Variants in ELMO2 observed in about 807,000 individuals in gnomAD.
The protein encoded by ELMO2 is engulfment and cell motility protein 2.
In ELMO2, 37 loss-of-function variants were observed where a neutral mutation model predicts 96.2. That is an observed-to-expected ratio of 0.38 (90% CI 0.30 to 0.51). The LOEUF is 0.51. ELMO2 is among the 20% of genes least tolerant of loss of function. ELMO2 has a pLI of 0.88. For missense variants in ELMO2, 561 were observed against 912.6 expected (o/e 0.61, Z 4.96); for synonymous variants, 315 against 329.4 (o/e 0.96, Z 0.47).
At chr20:46,402,627 G>A (rs1252347605) in intron 1 of ELMO2, among the ~76,000 whole-genome samples, 5 of 152,180 alleles carry the variant, frequency 3.3e-5, no homozygotes, top group African/African-American at 1.2e-4. Flanking sequence ...CTAAAATCTC[G>A]GGCTGTGAAC....
In ELMO2 at chr20:46,386,248, C is replaced by T. The variant is rs2060041391; in HGVS notation, c.553G>A (p.Val185Met). The change falls in exon 9 of 22, where the codon GTG becomes ATG. Residue 185 changes from valine (V) to methionine (M), a missense_variant. Transcript: ENST00000290246. ...GACCTCTGAAGGATTGACACGTCCA[C>T]CATGGGCTGGCTCACATACCCTGCA... ...QIAGYVSQPM[V>M]DVSILQRSLA... is the part of the protein sequence containing the mutation. 6.8e-6 allele frequency: 11 copies of T among 1,614,082 alleles called. No individual in the cohort carries two copies. Among genetic ancestry groups the T allele is most frequent in the Non-Finnish European group, 9.3e-6 (11 of 1,180,004 alleles).
rs2059851113 is a variant in ELMO2 at position 46,375,894 on chromosome 20, G to C, written c.808-104C>G. ...GAATGTATGTTGGGAAGGGAACAGAGCTTTCCTCCCACACACGAGGACTTC... is the reference window on the plus strand; with the variant it reads ...GAATGTATGTTGGGAAGGGAACAGACCTTTCCTCCCACACACGAGGACTTC... On this transcript the variant is annotated intron_variant, in intron 11 of 21. Coordinates refer to ENST00000290246, the MANE Select transcript of ELMO2 (RefSeq NM_133171.5). This position sits in a 1 kb window ranked among gnomAD's most constrained non-coding sequence, Gnocchi z 4.6. The C allele has an allele frequency of 6.8e-7, 1 of 1,468,866 alleles. No individual in the cohort carries two copies. Among genetic ancestry groups the C allele is most frequent in the African/African-American group, 1.4e-5 (1 of 71,726 alleles). The allele number at this position is 1,468,866 out of a possible 1,614,324, so 91.0% of individuals were successfully genotyped here.
At chr20:46,401,896 C>G (rs891405133) in intron 1 of ELMO2, among the ~76,000 whole-genome samples, 2 of 152,142 alleles carry the variant, frequency 1.3e-5, no homozygotes, top group Non-Finnish European at 2.9e-5. Flanking sequence ...CTGTACATAC[C>G]TTCCTGATCC....
chr20:46,384,945 C>T (rs191027362), intron 9 of ELMO2, among the ~76,000 whole-genome samples: 1 of 152,122 alleles, frequency 6.6e-6, no homozygotes, highest in East Asian at 1.9e-4. Flanking sequence ...CAGAGTGAGA[C>T]CCTGTCTCAA....
At position 46,378,161 on chromosome 20, in the gene ELMO2, TAAA is replaced by T. The variant is rs2059897735; in HGVS notation, c.807+2089_807+2091del. ...ATTAATTATCCTAGCATCAATGGCT[TAAA>T]GAAGTACAGCTCCAGTCTGATGAGT... On this transcript the variant is annotated intron_variant, in intron 11 of 21. Coordinates refer to ENST00000290246, the MANE Select transcript of ELMO2 (RefSeq NM_133171.5). 3.3e-5 allele frequency among the ~76,000 whole-genome samples: 5 copies of T among 152,230 alleles called. No homozygotes were observed. In the South Asian group the frequency reaches 1.0e-3, roughly 32 times the overall value.
chr20:46,384,347 T>C (rs1192341529), intron 9 of ELMO2, among the ~76,000 whole-genome samples: 1 of 152,216 alleles, frequency 6.6e-6, no homozygotes, highest in Non-Finnish European at 1.5e-5. Flanking sequence ...TCTGTGGCTG[T>C]CTTTCCAGAG....
At chr20:46,401,809 T>C (rs780317809) in intron 1 of ELMO2, among the ~76,000 whole-genome samples, 1 of 152,200 alleles carries the variant, frequency 6.6e-6, no homozygotes, top group Non-Finnish European at 1.5e-5. Context: ...GCTAAGATAA[T>C]CACTCTTCTA....
intron 7 of ELMO2, chr20:46,387,765 C>A: frequency 4.5e-6 from 1 of 223,488 alleles, no homozygotes; most frequent in Non-Finnish European, 8.8e-6. Flanking sequence ...CAAACTCCAA[C>A]ACCTGTTGGG....
At chr20:46,373,740 A>G (rs994034449) in intron 15 of ELMO2, among the ~76,000 whole-genome samples, 2 of 152,148 alleles carry the variant, frequency 1.3e-5, no homozygotes, top group African/African-American at 2.4e-5. Context: ...ACCCTGTTAC[A>G]GACTCAGCCA....
chr20:46,381,973 A>G (rs902980683), intron 10 of ELMO2, among the ~76,000 whole-genome samples: 1 of 152,216 alleles, frequency 6.6e-6, no homozygotes, highest in African/African-American at 2.4e-5. Flanking sequence ...AAGGCAAGTT[A>G]TAAAGGAAGG....
rs1291655034 is a variant in ELMO2, at chr20:46,374,660, C to T, written c.1066-20G>A. ...GTGGTTCTAGAGAAATAAAGACACC[C>T]AATTTGAGATGCGGCAGTCTCCGTG... On this transcript the variant is annotated intron_variant, in intron 13 of 21. Transcript: ENST00000290246. 1 of 1,609,994 alleles carries T rather than the reference C, an allele frequency of 6.2e-7. No individual in the cohort carries two copies. The highest frequency in any genetic ancestry group is 1.3e-5 in the African/African-American group (1 of 74,922).
intron 7 of ELMO2, among the ~76,000 whole-genome samples, chr20:46,388,718 A>G (rs1335728370): frequency 6.6e-6 from 1 of 152,118 alleles, no homozygotes; most frequent in African/African-American, 2.4e-5. Context: ...CATCAAACCA[A>G]ACATTTCCAG....
chr20:46,393,942 T>C, intron 4 of ELMO2, 107 bp downstream of exon 4: 1 of 1,468,838 alleles, frequency 6.8e-7, no homozygotes, highest in Admixed American at 1.8e-5. Flanking sequence ...ACCCCCATGC[T>C]GAGGACCTGC....
chr20:46,398,138 A>G (rs2060277750), intron 2 of ELMO2, among the ~76,000 whole-genome samples: 1 of 152,194 alleles, frequency 6.6e-6, no homozygotes, highest in Admixed American at 6.5e-5. Context: ...GCATATGATG[A>G]TGGTACTGGG....
Position 46,367,446 on chromosome 20 carries a change from C to T in ELMO2, c.2077G>A (p.Asp693Asn). 1 of 1,613,228 alleles carries T rather than the reference C, an allele frequency of 6.2e-7. No individual in the cohort carries two copies. Among genetic ancestry groups the T allele is most frequent in the Non-Finnish European group, 8.5e-7 (1 of 1,179,716 alleles). The change falls in exon 22 of 22, where the codon GAC (aspartate) becomes AAC (asparagine). Residue 693 changes from aspartate (D) to asparagine (N), a missense_variant. Physicochemically the swap from Asp to Asn is conservative, Grantham distance 23 (BLOSUM62 1). Transcript: ENST00000290246. The stretch of plus-strand genomic sequence containing the variant: ...TCGGGAATCTGGATGTTCTCCAGGT[C>T]CAGGAGCCGCAGCTTCATCTCCATG... ...LSMEMKLRLL[D>N]LENIQIPEAP...
chr20:46,393,261 C>T, intron 5 of ELMO2, 118 bp from the exon 6 acceptor site: 1 of 1,041,202 alleles, frequency 9.6e-7, no homozygotes, highest in Non-Finnish European at 1.5e-6. Context: ...TGAGGATCTT[C>T]AGTCGGGCCC....
rs1600807769 is a variant in ELMO2 at position 46,366,271 on chromosome 20, C to G, written c.*1089G>C. 1 of 152,570 alleles carries G rather than the reference C, an allele frequency of 6.6e-6. No homozygotes were observed. Among genetic ancestry groups the G allele is most frequent in the Non-Finnish European group, 1.5e-5 (1 of 68,046 alleles). The allele number at this position is 152,570 out of a possible 1,614,324, so 9.5% of individuals were successfully genotyped here. On this transcript the variant is annotated 3_prime_UTR_variant, in exon 22 of 22. Coordinates refer to ENST00000290246, the MANE Select transcript of ELMO2 (RefSeq NM_133171.5). ...CCTATAGTAATGAAAATATATAGTA[C>G]ACTCTTCATTGGGTAGTACCTACCA... is the stretch of plus-strand genomic sequence containing the variant.
intron 1 of ELMO2, among the ~76,000 whole-genome samples, chr20:46,404,090 A>C (rs1363580295): frequency 6.6e-6 from 1 of 152,192 alleles, no homozygotes; most frequent in African/African-American, 2.4e-5. Flanking sequence ...ATCTCAAAAA[A>C]AAAATAGAAA....
chr20:46,374,414 T>C lies in ELMO2; in HGVS notation c.1197A>G (p.Glu399=). ...GGCCAAAGGGGCATTCATGTTTGTC[T>C]TCCCGGCTACTGTTCTCCAAGACAA... The part of the protein sequence containing the change: ...IRIVLENSSR[E]DKHECPFGRS... Residue 399 remains glutamate, a synonymous_variant, in exon 15 of 22, where the codon GAA becomes GAG. Transcript: ENST00000290246. 6.2e-7 allele frequency: 1 copy of C among 1,614,156 alleles called. No individual in the cohort carries two copies. The highest frequency in any genetic ancestry group is 8.5e-7 in the Non-Finnish European group (1 of 1,180,030).
Sources: gnomAD v4.1 joint callset for allele counts (sites outside exome capture counted in the v4.1 genomes callset) on GRCh38, gnomAD v4.1.1 for gene constraint, Gnocchi (gnomAD v3.1) non-coding constraint, MANE v1.5 for transcripts, NCBI Gene and HGNC (gene_info 2026-07-23, HGNC 2026-07-21) for gene names.